ANKRD62: variants seen among roughly 807,000 people sequenced by gnomAD.
The protein encoded by ANKRD62 is ankyrin repeat domain 62, also known as ankyrin repeat domain-containing protein 62.
Under a neutral mutation model 98.8 loss-of-function variants are expected in ANKRD62, and 61 were observed. The observed-to-expected ratio is 0.62, with a 90% CI of 0.50 to 0.76. ANKRD62 has a LOEUF of 0.76. ANKRD62 is among the 30% of genes least tolerant of loss of function. The probability of loss-of-function intolerance (pLI) is 0.00; values close to 1 mark genes in which losing one functional copy is unlikely to be tolerated. For missense variants in ANKRD62, 933 were observed against 1,082.9 expected, an observed-to-expected ratio of 0.86 and a Z score of 1.94; for synonymous variants, 341 against 367.9, an observed-to-expected ratio of 0.93 and a Z score of 0.84.
In ANKRD62 at chr18:12,127,869, T is replaced by TA; in HGVS notation, c.2690dup (p.Lys898GlufsTer14). The TA allele has an allele frequency of 6.6e-7, 1 of 1,525,344 alleles. No homozygotes were observed. The highest frequency in any genetic ancestry group is 8.8e-7 in the Non-Finnish European group (1 of 1,142,592). 94.5% of individuals were successfully genotyped at this position (1,525,344 alleles called of 1,614,324 possible). ...AATTTAGAAGATGAGGCACAAAGTT[T>TA]AAAAAAGAAATTAGGCCAGATGAGA... On this transcript the variant is annotated frameshift_variant, in exon 14 of 14. Transcript: ENST00000587848. LOFTEE classifies it low-confidence loss of function (END_TRUNC).
the ANKRD62 span, among the ~76,000 whole-genome samples, chr18:12,139,050 G>T: frequency 6.6e-6 from 1 of 152,054 alleles, no homozygotes; most frequent in Non-Finnish European, 1.5e-5. Context: ...TACATTTAAG[G>T]TTAGTATTGT....
chr18:12,130,759 C>T (rs539172146), downstream of ANKRD62, among the ~76,000 whole-genome samples: 1 of 151,570 alleles, frequency 6.6e-6, no homozygotes, highest in East Asian at 1.9e-4. Context: ...GTGGTGTGAT[C>T]TCAGCTCACT....
chr18:12,111,612 C>T (rs1909541083), intron 8 of ANKRD62, among the ~76,000 whole-genome samples: 1 of 152,148 alleles, frequency 6.6e-6, no homozygotes, highest in African/African-American at 2.4e-5. Flanking sequence ...GAGAGGAAGT[C>T]AAACTATCTT....
At chr18:12,168,325 AG>A in the ANKRD62 span, among the ~76,000 whole-genome samples, 1,761 of 152,190 alleles carry the variant, frequency 0.012, 22 homozygotes, top group African/African-American at 0.04. Context: ...GGTGTAAGGA[AG>A]GGATCCAGTT....
intron 3 of ANKRD62, 40 bp downstream of exon 3, chr18:12,095,650 T>C (rs1297459170): frequency 7.0e-7 from 1 of 1,430,764 alleles, no homozygotes; most frequent in East Asian, 2.5e-5. Flanking sequence ...ATTTCAAGTA[T>C]ATTTGTTTTA....
chr18:12,114,627 A>C (rs1240151059), intron 8 of ANKRD62, among the ~76,000 whole-genome samples: 2 of 152,208 alleles, frequency 1.3e-5, no homozygotes, highest in African/African-American at 4.8e-5. Context: ...TGTTTAGAAT[A>C]GTGCACAGTA....
the ANKRD62 span, among the ~76,000 whole-genome samples, chr18:12,141,234 T>A: frequency 6.6e-6 from 1 of 152,212 alleles, no homozygotes; most frequent in Admixed American, 6.5e-5. Context: ...GTGACCTGAT[T>A]TTCAAGGTGC....
At chr18:12,172,311 A>G in the ANKRD62 span, among the ~76,000 whole-genome samples, 3 of 152,090 alleles carry the variant, frequency 2.0e-5, no homozygotes, top group East Asian at 3.9e-4. Flanking sequence ...TGATGTACAG[A>G]TGGGGTTTTG....
downstream of ANKRD62, among the ~76,000 whole-genome samples, chr18:12,133,038 C>G (rs1397503048): frequency 1.3e-5 from 2 of 152,090 alleles, no homozygotes; most frequent in African/African-American, 4.8e-5. Context: ...TTTTCATCAT[C>G]CCTAATAGAA....
rs1909796629 is a variant in ANKRD62, at chr18:12,122,235, G to A, written c.1241-68G>A. 3.4e-6 allele frequency: 4 copies of A among 1,191,970 alleles called. No individual in the cohort carries two copies. The African/African-American group carries it at 4.6e-5, about 14-fold the overall frequency. 73.8% of individuals were successfully genotyped at this position (1,191,970 alleles called of 1,614,324 possible). A position where few individuals can be genotyped will look rare whatever the true frequency, so the allele number is the denominator to read the frequency against. ...GTATGAATGAGTGCCATGTTGAAAT[G>A]CATAGTCCTTTATATTTAAAAACCT... On this transcript the variant is annotated intron_variant, in intron 10 of 13. Coordinates refer to ENST00000587848, the MANE Select transcript of ANKRD62 (RefSeq NM_001277333.2).
rs547607896 is a variant in ANKRD62, at chr18:12,115,076, T to G, written c.1065-12T>G. ...TATTTGCCTGATTGGAATTTTTTGG[T>G]TTTTTTTTTAGGCTTGCAAGGAAAA... On this transcript the variant is annotated splice_polypyrimidine_tract_variant and intron_variant, in intron 8 of 13. Coordinates refer to ENST00000587848, the MANE Select transcript of ANKRD62 (RefSeq NM_001277333.2). 6.4e-5 allele frequency: 77 copies of G among 1,211,166 alleles called. No individual in the cohort carries two copies. Among genetic ancestry groups the G allele is most frequent in the East Asian group, 5.1e-4 (17 of 33,224 alleles). 75.0% of individuals were successfully genotyped at this position (1,211,166 alleles called of 1,614,324 possible).
At chr18:12,130,970 G>A (rs553484051), downstream of ANKRD62, among the ~76,000 whole-genome samples, 29 of 152,288 alleles carry the variant, frequency 1.9e-4, no homozygotes, top group Non-Finnish European at 4.0e-4. Flanking sequence ...GGTTACAGGC[G>A]TGAGTCATCA....
At chr18:12,168,212 T>G in the ANKRD62 span, among the ~76,000 whole-genome samples, 56 of 152,272 alleles carry the variant, frequency 3.7e-4, no homozygotes, top group Admixed American at 5.2e-4. Context: ...CCTTGCCCAT[T>G]CCTATGTCCT....
intron 8 of ANKRD62, among the ~76,000 whole-genome samples, chr18:12,109,950 CA>C (rs10588166): frequency 0.043 from 5,347 of 124,682 alleles, 184 homozygotes; most frequent in African/African-American, 0.11. Context: ...TCACTGTTAC[CA>C]AAAAAAAAAA....
the ANKRD62 span, among the ~76,000 whole-genome samples, chr18:12,156,968 C>T: frequency 6.6e-6 from 1 of 152,182 alleles, no homozygotes; most frequent in African/African-American, 2.4e-5. Flanking sequence ...CGCTGTCTCT[C>T]ATTTTTTTAA....
At chr18:12,122,566 T>C (rs1470576350) in intron 11 of ANKRD62, 50 bp downstream of exon 11, 25 of 1,408,878 alleles carry the variant, frequency 1.8e-5, no homozygotes, top group Middle Eastern at 4.2e-4. Context: ...ATACTAAGGA[T>C]ATGTAGGATA....
intron 6 of ANKRD62, among the ~76,000 whole-genome samples, 182 bp downstream of exon 6, chr18:12,099,864 G>A (rs1909261726): frequency 6.6e-6 from 1 of 151,860 alleles, no homozygotes; most frequent in Admixed American, 6.6e-5. Flanking sequence ...TTGTAGGCAA[G>A]TTATAATCTC....
At chr18:12,151,072 A>G in the ANKRD62 span, among the ~76,000 whole-genome samples, 1 of 152,224 alleles carries the variant, frequency 6.6e-6, no homozygotes. Context: ...CCATAGGCTC[A>G]AAATAAAGGG....
In ANKRD62 at chr18:12,113,380, C is replaced by G. The variant is rs1909590304; in HGVS notation, c.1065-1708C>G. On this transcript the variant is annotated intron_variant, in intron 8 of 13. Transcript: ENST00000587848. ...TGGTGGCTCACGCCTGTAATCCCAC[C>G]ACTTTGGGAGACCGAGGCAGATGAA... Among the ~76,000 whole-genome samples, 2 of 152,152 alleles carry G rather than the reference C, an allele frequency of 1.3e-5. 1 individual carries two copies. The highest frequency in any genetic ancestry group is 4.1e-4 in the South Asian group (2 of 4,836).
Sources: allele counts gnomAD v4.1 joint callset (sites outside exome capture counted in the v4.1 genomes callset), GRCh38; gene constraint gnomAD v4.1.1; transcripts MANE v1.5; gene names NCBI Gene and HGNC (gene_info 2026-07-23, HGNC 2026-07-21).